HSD17B12: variants seen among roughly 807,000 people sequenced by gnomAD.
HSD17B12 encodes hydroxysteroid 17-beta dehydrogenase 12, also known as very-long-chain 3-oxoacyl-CoA reductase.
HSD17B12 carries 32 observed loss-of-function variants against 39.3 expected under a neutral mutation model. The observed-to-expected ratio is 0.81, with a 90% CI of 0.61 to 1.09. The LOEUF is 1.09. Ranked by LOEUF, HSD17B12 falls within the 50% of genes least tolerant of loss-of-function variation. The pLI is 0.00. For synonymous variants in HSD17B12, 150 were observed against 146.7 expected, an observed-to-expected ratio of 1.02 and a Z score of -0.16; for missense variants, 342 against 382.9, an observed-to-expected ratio of 0.89 and a Z score of 0.89.
chr11:43,613,853 G>A, the HSD17B12 span, among the ~76,000 whole-genome samples: 4 of 152,012 alleles, frequency 2.6e-5, no homozygotes, highest in Admixed American at 2.6e-4. Flanking sequence ...TTTTAGTAGA[G>A]CCGGAGTTTC....
chr11:43,659,951 T>C, the HSD17B12 span, among the ~76,000 whole-genome samples: 3 of 152,170 alleles, frequency 2.0e-5, no homozygotes, highest in Non-Finnish European at 2.9e-5. Flanking sequence ...AAACTAGATT[T>C]TCAGCACTTT....
intron 3 of HSD17B12, among the ~76,000 whole-genome samples, chr11:43,764,038 C>G (rs781739717): frequency 6.6e-6 from 1 of 151,950 alleles, no homozygotes; most frequent in Non-Finnish European, 1.5e-5. Context: ...AAGTGTCAAG[C>G]CTTGGCATTA....
At chr11:43,619,929 C>T in the HSD17B12 span, among the ~76,000 whole-genome samples, 1 of 152,118 alleles carries the variant, frequency 6.6e-6, no homozygotes, top group Non-Finnish European at 1.5e-5. Flanking sequence ...AGGACAAGGC[C>T]CAGTTGTCCA....
chr11:43,647,155 C>T, the HSD17B12 span, among the ~76,000 whole-genome samples: 2 of 151,264 alleles, frequency 1.3e-5, no homozygotes, highest in Non-Finnish European at 2.9e-5. Context: ...TCACTTTAGA[C>T]TGTAGCCAAA....
chr11:43,648,358 T>C, the HSD17B12 span, among the ~76,000 whole-genome samples: 29 of 151,996 alleles, frequency 1.9e-4, no homozygotes, highest in Non-Finnish European at 3.4e-4. Flanking sequence ...ATTGAATTTC[T>C]TTTTTGGGAA....
At chr11:43,805,906 A>G (rs1047181244) in intron 4 of HSD17B12, among the ~76,000 whole-genome samples, 2 of 152,198 alleles carry the variant, frequency 1.3e-5, no homozygotes, top group Non-Finnish European at 2.9e-5. Flanking sequence ...CCTCGGGTTC[A>G]ATAATTAGCT....
At chr11:43,818,150 C>T (rs183339969) in intron 6 of HSD17B12, among the ~76,000 whole-genome samples, 45 of 152,248 alleles carry the variant, frequency 3.0e-4, no homozygotes, top group East Asian at 1.5e-3. Flanking sequence ...TTCATCCACA[C>T]GCTATTTGTC....
chr11:43,603,508 G>A, the HSD17B12 span, among the ~76,000 whole-genome samples: 1 of 152,120 alleles, frequency 6.6e-6, no homozygotes, highest in African/African-American at 2.4e-5. Context: ...ATCATTCTAA[G>A]TAGAAGAACT....
intron 5 of HSD17B12, among the ~76,000 whole-genome samples, chr11:43,815,821 T>C (rs554617631): frequency 6.6e-6 from 1 of 152,348 alleles, no homozygotes; most frequent in African/African-American, 2.4e-5. Context: ...AATAGCTCTG[T>C]TGTAAGTTTT....
At chr11:43,579,084 G>A in the HSD17B12 span, 1 of 133,626 alleles carries the variant, frequency 7.5e-6, no homozygotes, top group Non-Finnish European at 1.6e-5. Flanking sequence ...GGGGGCGGGG[G>A]GGCACCAAAT....
intron 1 of HSD17B12, among the ~76,000 whole-genome samples, chr11:43,714,062 A>G (rs1411075899): frequency 6.6e-6 from 1 of 152,130 alleles, no homozygotes; most frequent in African/African-American, 2.4e-5. Context: ...GTTTTCTCCC[A>G]TTCTGTAGGT....
At chr11:43,783,905 A>G (rs1590297009) in intron 3 of HSD17B12, among the ~76,000 whole-genome samples, 1 of 152,226 alleles carries the variant, frequency 6.6e-6, no homozygotes, top group South Asian at 2.1e-4. Flanking sequence ...TTTGAGGGAA[A>G]ATAACTATAT....
intron 3 of HSD17B12, among the ~76,000 whole-genome samples, chr11:43,754,411 A>T (rs900658792): frequency 1.3e-5 from 2 of 152,024 alleles, no homozygotes; most frequent in African/African-American, 4.8e-5. Flanking sequence ...CGTCTCTACT[A>T]AAAATTAAAA....
chr11:43,655,737 G>C, the HSD17B12 span, among the ~76,000 whole-genome samples: 2 of 152,158 alleles, frequency 1.3e-5, no homozygotes, highest in Non-Finnish European at 2.9e-5. Context: ...AACCAGCCTT[G>C]CATCCCAGGG....
intron 6 of HSD17B12, among the ~76,000 whole-genome samples, chr11:43,828,304 G>A (rs1370189195): frequency 1.4e-4 from 21 of 147,002 alleles, no homozygotes. Flanking sequence ...CACTACGCCC[G>A]GCTAATTTTT....
chr11:43,626,583 T>C, the HSD17B12 span, among the ~76,000 whole-genome samples: 1 of 151,866 alleles, frequency 6.6e-6, no homozygotes, highest in Admixed American at 6.6e-5. Context: ...GCTAAAACAA[T>C]GGTTTCAGGA....
intron 3 of HSD17B12, among the ~76,000 whole-genome samples, chr11:43,777,685 A>G (rs1276723226): frequency 1.3e-5 from 2 of 152,208 alleles, no homozygotes; most frequent in Non-Finnish European, 2.9e-5. Flanking sequence ...GTCTTGTGCC[A>G]GTTTTCAAAG....
chr11:43,769,384 C>T (rs932461153), intron 3 of HSD17B12, among the ~76,000 whole-genome samples: 6 of 152,134 alleles, frequency 3.9e-5, no homozygotes, highest in Non-Finnish European at 5.9e-5. Flanking sequence ...TTAAATGTTT[C>T]CTGAAAATAT....
chr11:43,817,022 C>CTA (rs1163336548), intron 6 of HSD17B12, among the ~76,000 whole-genome samples: 5 of 20,806 alleles, frequency 2.4e-4, no homozygotes, highest in Middle Eastern at 0.031. Flanking sequence ...ATATCTATAT[C>CTA]TATATCTATA....
Sources: allele counts gnomAD v4.1 joint callset (sites outside exome capture counted in the v4.1 genomes callset), GRCh38; gene constraint gnomAD v4.1.1; transcripts MANE v1.5; gene names NCBI Gene and HGNC (gene_info 2026-07-23, HGNC 2026-07-21).